COL11A1: variants seen among roughly 807,000 people sequenced by gnomAD.
COL11A1 encodes collagen alpha-1(XI) chain.
In COL11A1, 74 loss-of-function variants were observed where a neutral mutation model predicts 265.2. The observed-to-expected ratio is 0.28, with a 90% CI of 0.23 to 0.34. The LOEUF (loss-of-function observed/expected upper bound fraction) is 0.34, where lower values mean the gene tolerates loss of function less well. COL11A1 is among the 10% of genes least tolerant of loss of function. The probability of loss-of-function intolerance (pLI) is 1.00; values close to 1 mark genes in which losing one functional copy is unlikely to be tolerated. For missense variants in COL11A1, 2,165 were observed against 2,263.6 expected, an observed-to-expected ratio of 0.96 and a Z score of 0.88; for synonymous variants, 816 against 727.6, an observed-to-expected ratio of 1.12 and a Z score of -1.96.
chr1:102,889,024 G>A (rs978977144), intron 59 of COL11A1, 105 bp from the exon 60 acceptor site: 9 of 1,037,436 alleles, frequency 8.7e-6, no homozygotes, highest in Admixed American at 5.5e-5. Flanking sequence ...GTAAAATTTA[G>A]AGAATGCAAA....
chr1:103,008,170 A>T (rs545628326), intron 15 of COL11A1, among the ~76,000 whole-genome samples: 1 of 152,104 alleles, frequency 6.6e-6, no homozygotes, highest in South Asian at 2.1e-4. Context: ...AACTCTCTAC[A>T]TTTTCATATA....
chr1:102,918,578 A>T (rs1001350562), intron 49 of COL11A1, among the ~76,000 whole-genome samples: 1 of 109,920 alleles, frequency 9.1e-6, no homozygotes, highest in Non-Finnish European at 2.1e-5. Flanking sequence ...AAAAACATCA[A>T]CAACAACAAA....
intron 29 of COL11A1, among the ~76,000 whole-genome samples, chr1:102,988,885 C>T (rs1441986542): frequency 6.6e-6 from 1 of 152,066 alleles, no homozygotes; most frequent in African/African-American, 2.4e-5. Flanking sequence ...CCCAATCCTG[C>T]ATGCAGACTT....
chr1:102,901,730 A>T (rs939286318), intron 54 of COL11A1, among the ~76,000 whole-genome samples: 2 of 152,278 alleles, frequency 1.3e-5, no homozygotes, highest in Non-Finnish European at 1.5e-5. Flanking sequence ...GTTATAACAG[A>T]TTTTTCTACT....
At chr1:103,081,706 A>G (rs1200037520) in intron 2 of COL11A1, among the ~76,000 whole-genome samples, 1 of 151,892 alleles carries the variant, frequency 6.6e-6, no homozygotes, top group Admixed American at 6.6e-5. Context: ...TTGTTAGAAA[A>G]CAGTTTCATA....
chr1:102,887,080 C>T, intron 62 of COL11A1, 24 bp from the exon 63 acceptor site: 1 of 1,613,008 alleles, frequency 6.2e-7, no homozygotes, highest in South Asian at 1.1e-5. Context: ...AATGTGAGTG[C>T]AATTGTTTCA....
chr1:102,946,976 G>C lies in COL11A1; in HGVS notation c.3169-20C>G, dbSNP rs763640741. 1.3e-6 allele frequency: 2 copies of C among 1,587,200 alleles called. No homozygotes were observed. The highest frequency in any genetic ancestry group is 4.5e-5 in the East Asian group (2 of 44,652). ...TGAGCCCTAGTATACAGGAAAAGAAGTATTTTGTTATTAAAGAAAGTAATA... is the reference window on the plus strand; with the variant it reads ...TGAGCCCTAGTATACAGGAAAAGAACTATTTTGTTATTAAAGAAAGTAATA... On this transcript the variant is annotated intron_variant, in intron 41 of 66. Transcript: ENST00000370096.
chr1:103,017,951 G>T, intron 10 of COL11A1, 69 bp from the exon 11 acceptor site: 1 of 1,251,954 alleles, frequency 8.0e-7, no homozygotes, highest in Non-Finnish European at 1.2e-6. Flanking sequence ...ATTCACTCTA[G>T]TCCTATCGAA....
At chr1:103,076,105 T>C (rs2102289338) in intron 3 of COL11A1, among the ~76,000 whole-genome samples, 1 of 152,268 alleles carries the variant, frequency 6.6e-6, no homozygotes, top group African/African-American at 2.4e-5. Context: ...ATGTAGGCTA[T>C]GATAATGATA....
intron 35 of COL11A1, among the ~76,000 whole-genome samples, chr1:102,975,637 A>C (rs1486744379): frequency 6.6e-6 from 1 of 152,162 alleles, no homozygotes; most frequent in Non-Finnish European, 1.5e-5. Flanking sequence ...TGTTGGCAGA[A>C]AAAGTAATTG....
intron 57 of COL11A1, among the ~76,000 whole-genome samples, chr1:102,897,191 C>T (rs1023546519): frequency 6.6e-5 from 10 of 151,842 alleles, no homozygotes; most frequent in South Asian, 4.1e-4. Flanking sequence ...AAAGGAATAA[C>T]CAAAATTTTT....
chr1:102,928,189 T>C (rs957672057), intron 46 of COL11A1, among the ~76,000 whole-genome samples: 31 of 152,042 alleles, frequency 2.0e-4, no homozygotes, highest in Admixed American at 4.6e-4. Context: ...AATGCTGGTG[T>C]GCTGCACCCA....
At chr1:103,033,228 C>T (rs1226385564) in intron 4 of COL11A1, among the ~76,000 whole-genome samples, 2 of 152,052 alleles carry the variant, frequency 1.3e-5, no homozygotes, top group East Asian at 3.9e-4. Flanking sequence ...GTTTATCTAT[C>T]AGTTTCTGGA....
chr1:102,998,483 C>A (rs1415953427), intron 24 of COL11A1, 120 bp from the exon 25 acceptor site: 13 of 569,618 alleles, frequency 2.3e-5, no homozygotes, highest in South Asian at 3.2e-5. Flanking sequence ...TAAGTAATAA[C>A]CATTTAAATA....
chr1:102,889,611 A>ATAATATTTTATAAC, intron 58 of COL11A1, 49 bp from the exon 59 acceptor site: 1 of 1,313,760 alleles, frequency 7.6e-7, no homozygotes, highest in Non-Finnish European at 1.1e-6. Context: ...TACTATCTTC[A>ATAATATTTTATAAC]TAAAATTTTA....
chr1:102,976,438 A>G (rs950464078), intron 35 of COL11A1, among the ~76,000 whole-genome samples: 2 of 151,752 alleles, frequency 1.3e-5, no homozygotes, highest in African/African-American at 2.4e-5. Context: ...AGCTGGGATT[A>G]CAGGCACCCA....
At chr1:102,963,499 G>A (rs1661113365) in intron 38 of COL11A1, among the ~76,000 whole-genome samples, 1 of 152,182 alleles carries the variant, frequency 6.6e-6, no homozygotes, top group Non-Finnish European at 1.5e-5. Flanking sequence ...ATGGTGATCA[G>A]TTGCTCTCTA....
Position 102,881,772 on chromosome 1 carries a change from C to G in COL11A1, c.4972-7G>C. 6.2e-7 allele frequency: 1 copy of G among 1,611,574 alleles called. No individual in the cohort carries two copies. The highest frequency in any genetic ancestry group is 8.5e-7 in the Non-Finnish European group (1 of 1,178,604). On this transcript the variant is annotated splice_polypyrimidine_tract_variant and splice_region_variant and intron_variant, in intron 64 of 66. Coordinates refer to ENST00000370096, the MANE Select transcript of COL11A1 (RefSeq NM_001854.4). ...GCCATGATGAAATTCTTACCTGTTG[C>G]AAAGGAACAGAAAAGTTAGTGAGTA...
At chr1:102,920,418 T>A (rs1258241000) in intron 48 of COL11A1, 54 bp from the exon 49 acceptor site, 1 of 1,440,514 alleles carries the variant, frequency 6.9e-7, no homozygotes, top group Non-Finnish European at 9.8e-7. Context: ...AAATAATGCA[T>A]TCGTAAACAT....
Sources: allele counts gnomAD v4.1 joint callset (sites outside exome capture counted in the v4.1 genomes callset), GRCh38; gene constraint gnomAD v4.1.1; transcripts MANE v1.5; gene names NCBI Gene and HGNC (gene_info 2026-07-23, HGNC 2026-07-21).